Variants in SH2D1B observed in about 807,000 individuals in gnomAD.
SH2D1B encodes SH2 domain-containing protein 1B.
A neutral mutation model predicts 16.3 loss-of-function variants in SH2D1B; 11 were observed. That is an observed-to-expected ratio of 0.67 (90% CI 0.42 to 1.11). The LOEUF is 1.11. Among genes scored for constraint, SH2D1B ranks in the 50% most tolerant of loss-of-function variants. SH2D1B has a pLI of 0.00. For missense variants in SH2D1B, 123 were observed against 153.1 expected (o/e 0.80, Z 1.04); for synonymous variants, 55 against 56.1 (o/e 0.98, Z 0.09).
intron 2 of SH2D1B, among the ~76,000 whole-genome samples, chr1:162,402,241 G>A (rs758369428): frequency 7.1e-6 from 1 of 140,662 alleles, no homozygotes; most frequent in East Asian, 2.1e-4. Flanking sequence ...AGCTGGGTGC[G>A]GTGGCTCACG....
intron 2 of SH2D1B, 173 bp downstream of exon 2, chr1:162,402,566 T>C: frequency 1.7e-6 from 1 of 571,540 alleles, no homozygotes; most frequent in Non-Finnish European, 3.1e-6. Flanking sequence ...CCTAGAACCT[T>C]CCTATTTCTC....
chr1:162,408,307 T>C (rs1201350750), intron 1 of SH2D1B, among the ~76,000 whole-genome samples: 2 of 152,126 alleles, frequency 1.3e-5, no homozygotes, highest in African/African-American at 4.8e-5. Flanking sequence ...CAGTGACATG[T>C]GTAGGGAGGT....
chr1:162,410,909 G>A (rs572807619), intron 1 of SH2D1B, among the ~76,000 whole-genome samples: 1 of 151,788 alleles, frequency 6.6e-6, no homozygotes, highest in South Asian at 2.1e-4. Flanking sequence ...ACCTGCCTCC[G>A]CTTCCCAAAG....
intron 1 of SH2D1B, among the ~76,000 whole-genome samples, chr1:162,410,452 TC>T (rs1036258132): frequency 1.3e-4 from 20 of 152,196 alleles, no homozygotes; most frequent in Non-Finnish European, 2.5e-4. Flanking sequence ...GTAATTTTTT[TC>T]TTTAACAAGA....
intron 1 of SH2D1B, among the ~76,000 whole-genome samples, chr1:162,410,500 A>G (rs995395372): frequency 1.3e-5 from 2 of 152,174 alleles, no homozygotes; most frequent in South Asian, 4.1e-4. Context: ...AGGTATAATA[A>G]AAGGTTCAGT....
At chr1:162,410,797 C>T (rs1479498875) in intron 1 of SH2D1B, among the ~76,000 whole-genome samples, 7 of 151,738 alleles carry the variant, frequency 4.6e-5, no homozygotes, top group Non-Finnish European at 7.4e-5. Context: ...GCTGGGATTA[C>T]AAGCATACGC....
At chr1:162,405,128 C>T (rs1318763299) in intron 1 of SH2D1B, among the ~76,000 whole-genome samples, 2 of 152,204 alleles carry the variant, frequency 1.3e-5, no homozygotes, top group Non-Finnish European at 2.9e-5. Flanking sequence ...ATAGATGGAT[C>T]TCAAAATAAT....
At position 162,395,637 on chromosome 1, in the gene SH2D1B, T is replaced by C. The variant is rs1189547923; in HGVS notation, c.*1643A>G. 1 of 152,164 alleles carries C rather than the reference T, an allele frequency of 6.6e-6. No individual in the cohort carries two copies. The highest frequency in any genetic ancestry group is 1.9e-4 in the East Asian group (1 of 5,196). 9.4% of individuals were successfully genotyped at this position (152,164 alleles called of 1,614,324 possible). On this transcript the variant is annotated 3_prime_UTR_variant, in exon 4 of 4. Transcript: ENST00000367929. ...TTTATAGCTGACAAAATCATTTACATAGAAAACACAATAGAATCAACAGGT... is the reference window on the plus strand; with the variant it reads ...TTTATAGCTGACAAAATCATTTACACAGAAAACACAATAGAATCAACAGGT...
At chr1:162,405,214 A>C (rs1000210350) in intron 1 of SH2D1B, among the ~76,000 whole-genome samples, 2 of 152,254 alleles carry the variant, frequency 1.3e-5, no homozygotes, top group African/African-American at 4.8e-5. Flanking sequence ...CTGGAAAAAT[A>C]CACATTAATC....
chr1:162,405,881 G>T (rs1271562341), intron 1 of SH2D1B, among the ~76,000 whole-genome samples: 1 of 152,202 alleles, frequency 6.6e-6, no homozygotes, highest in Admixed American at 6.5e-5. Flanking sequence ...CTGAGTCCTT[G>T]CTCAACGCAT....
intron 1 of SH2D1B, among the ~76,000 whole-genome samples, chr1:162,408,656 T>G (rs1648711996): frequency 6.6e-6 from 1 of 152,056 alleles, no homozygotes; most frequent in Non-Finnish European, 1.5e-5. Context: ...CCTAGTGATC[T>G]GCCCGCCTCG....
chr1:162,411,333 T>C (rs547241206), intron 1 of SH2D1B, among the ~76,000 whole-genome samples: 57 of 152,304 alleles, frequency 3.7e-4, no homozygotes, highest in African/African-American at 1.4e-3. Context: ...GAAATTCAGG[T>C]CTCTGTTTCT....
At chr1:162,399,794 T>C (rs1466951469) in intron 2 of SH2D1B, among the ~76,000 whole-genome samples, 3 of 152,238 alleles carry the variant, frequency 2.0e-5, no homozygotes, top group Admixed American at 6.5e-5. Flanking sequence ...TTGCTAAACA[T>C]AATGGCCTCC....
At chr1:162,409,251 C>A (rs575438002) in intron 1 of SH2D1B, among the ~76,000 whole-genome samples, 1 of 152,274 alleles carries the variant, frequency 6.6e-6, no homozygotes, top group East Asian at 1.9e-4. Context: ...TTCACCGTCT[C>A]CCGTCCAGAG....
intron 3 of SH2D1B, among the ~76,000 whole-genome samples, chr1:162,397,917 G>A (rs1025049226): frequency 1.3e-5 from 2 of 149,908 alleles, no homozygotes; most frequent in African/African-American, 4.9e-5. Context: ...TATAAATTTG[G>A]GGGGGAAAGT....
chr1:162,411,237 T>C (rs1423246883), intron 1 of SH2D1B, among the ~76,000 whole-genome samples: 1 of 152,220 alleles, frequency 6.6e-6, no homozygotes, highest in African/African-American at 2.4e-5. Flanking sequence ...ATTACAGGCA[T>C]GAGCCACCAT....
intron 1 of SH2D1B, among the ~76,000 whole-genome samples, chr1:162,409,433 T>C (rs1648741817): frequency 6.6e-6 from 1 of 152,206 alleles, no homozygotes; most frequent in South Asian, 2.1e-4. Flanking sequence ...CACCCTCCTT[T>C]TCCAAAAGCT....
rs1230412877 is a variant in SH2D1B, at chr1:162,411,957, G to A, written c.60C>T (p.Leu20=). The part of the protein sequence containing the change: ...LTKQDCETLL[L]KEGVDGNFLL... ...GAAAGTTGCCATCCACCCCTTCCTTGAGCAGCAAGGTCTCACAGTCTTGCT... is the reference window on the plus strand; with the variant it reads ...GAAAGTTGCCATCCACCCCTTCCTTAAGCAGCAAGGTCTCACAGTCTTGCT... Residue 20 remains leucine, a synonymous_variant, in exon 1 of 4, where the codon CTC becomes CTT. Coordinates refer to ENST00000367929, the MANE Select transcript of SH2D1B (RefSeq NM_053282.5). 2.5e-6 allele frequency: 4 copies of A among 1,614,014 alleles called. No homozygotes were observed. Among genetic ancestry groups the A allele is most frequent in the Non-Finnish European group, 3.4e-6 (4 of 1,180,018 alleles).
intron 3 of SH2D1B, among the ~76,000 whole-genome samples, chr1:162,397,638 A>G (rs1350330443): frequency 1.3e-5 from 2 of 152,204 alleles, no homozygotes; most frequent in African/African-American, 4.8e-5. Context: ...TTGATGGGGA[A>G]TATTTCCTCT....
Sources: allele counts gnomAD v4.1 joint callset (sites outside exome capture counted in the v4.1 genomes callset), GRCh38; gene constraint gnomAD v4.1.1; transcripts MANE v1.5; gene names NCBI Gene and HGNC (gene_info 2026-07-23, HGNC 2026-07-21).